Variants in IFFO2 observed in about 807,000 individuals in gnomAD.
The protein encoded by IFFO2 is intermediate filament family orphan 2.
IFFO2 carries 19 observed loss-of-function variants against 53.5 expected under a neutral mutation model. The ratio of observed to expected loss-of-function variants is 0.36; its 90% CI spans 0.25 to 0.52. The LOEUF is 0.52. Among genes scored for constraint, IFFO2 ranks in the 20% least tolerant of loss-of-function variants. The pLI, the probability that IFFO2 is intolerant of heterozygous loss-of-function variation, is 0.94. For missense variants in IFFO2, 570 were observed against 727.4 expected, an observed-to-expected ratio of 0.78 and a Z score of 2.49; for synonymous variants, 303 against 313.6, an observed-to-expected ratio of 0.97 and a Z score of 0.36.
At chr1:18,912,258 T>G (rs1936052778) in intron 5 of IFFO2, among the ~76,000 whole-genome samples, 175 bp from the exon 6 acceptor site, 1 of 152,218 alleles carries the variant, frequency 6.6e-6, no homozygotes, top group South Asian at 2.1e-4. Context: ...AGTTTAACTC[T>G]TTTAAAATGC....
intron 5 of IFFO2, among the ~76,000 whole-genome samples, chr1:18,913,992 C>A (rs1170026988): frequency 6.6e-6 from 1 of 152,092 alleles, no homozygotes; most frequent in South Asian, 2.1e-4. Flanking sequence ...CCACCACGCC[C>A]GGCTAATTTT....
At chr1:18,913,982 C>T (rs866498297) in intron 5 of IFFO2, among the ~76,000 whole-genome samples, 10 of 150,858 alleles carry the variant, frequency 6.6e-5, no homozygotes, top group Admixed American at 1.3e-4. Context: ...CAGGCGCCCG[C>T]CACCACGCCC....
chr1:18,921,146 G>A (rs1003234048), intron 1 of IFFO2, 25 bp from the exon 2 acceptor site: 4 of 1,549,790 alleles, frequency 2.6e-6, no homozygotes, highest in Non-Finnish European at 2.6e-6. Context: ...AGGAACAGGT[G>A]GTCAGAAGGT....
At position 18,917,489 on chromosome 1, in the gene IFFO2, C is replaced by T. The variant is rs1459264185; in HGVS notation, c.964-447G>A. Among the ~76,000 whole-genome samples, 2 of 152,098 alleles carry T rather than the reference C, an allele frequency of 1.3e-5. No homozygotes were observed. Among genetic ancestry groups the T allele is most frequent in the Non-Finnish European group, 2.9e-5 (2 of 68,010 alleles). ...AAAGGACAGACGGCCCAAGGTTCAC[C>T]GAAAGCTTCCACTCCAAGCAGACAA... On this transcript the variant is annotated intron_variant, in intron 4 of 8. Transcript: ENST00000455833. The surrounding 1 kb of genome is among the most constrained non-coding windows in gnomAD (Gnocchi z 5.9).
At chr1:18,935,392 G>C (rs1222310891) in intron 1 of IFFO2, among the ~76,000 whole-genome samples, 4 of 152,052 alleles carry the variant, frequency 2.6e-5, no homozygotes, top group African/African-American at 9.7e-5. Flanking sequence ...AGGCTGAATA[G>C]CATCCCCCCA....
intron 1 of IFFO2, among the ~76,000 whole-genome samples, chr1:18,922,039 C>T (rs926960227): frequency 5.9e-5 from 9 of 152,138 alleles, no homozygotes; most frequent in Non-Finnish European, 1.3e-4. Context: ...CAACCTATGA[C>T]GTAGGCACCG....
chr1:18,954,517 A>C (rs1380370437), intron 1 of IFFO2, among the ~76,000 whole-genome samples: 1 of 152,206 alleles, frequency 6.6e-6, no homozygotes, highest in Admixed American at 6.5e-5. Context: ...TTCTCAGTAC[A>C]TCCTCCAAGC....
intron 1 of IFFO2, among the ~76,000 whole-genome samples, chr1:18,938,853 C>T (rs1318181880): frequency 6.6e-6 from 1 of 152,360 alleles, no homozygotes; most frequent in East Asian, 1.9e-4. Flanking sequence ...GCAGTCTCCT[C>T]CTGGTGATTT....
intron 1 of IFFO2, among the ~76,000 whole-genome samples, chr1:18,927,805 G>A (rs1040632656): frequency 9.2e-5 from 14 of 152,232 alleles, no homozygotes; most frequent in African/African-American, 2.4e-4. Flanking sequence ...CAGGCTCCCC[G>A]GTGGGGTCAG....
intron 5 of IFFO2, among the ~76,000 whole-genome samples, chr1:18,913,981 G>A (rs187428739): frequency 0.018 from 2,796 of 152,200 alleles, 102 homozygotes; most frequent in Admixed American, 0.088. Context: ...ACAGGCGCCC[G>A]CCACCACGCC....
intron 1 of IFFO2, among the ~76,000 whole-genome samples, chr1:18,944,121 C>T (rs911695752): frequency 2.0e-5 from 3 of 152,172 alleles, no homozygotes; most frequent in Non-Finnish European, 4.4e-5. Context: ...CTTCGCTGGG[C>T]CTCAGTTTTC....
intron 8 of IFFO2, 147 bp from the exon 9 acceptor site, chr1:18,908,813 A>C: frequency 1.6e-6 from 1 of 638,208 alleles, no homozygotes; most frequent in Non-Finnish European, 2.8e-6. Context: ...AGCTATCCTT[A>C]AGATCCTTTA....
chr1:18,913,994 G>A (rs1014982414), intron 5 of IFFO2, among the ~76,000 whole-genome samples: 2 of 152,100 alleles, frequency 1.3e-5, no homozygotes, highest in African/African-American at 4.8e-5. Flanking sequence ...ACCACGCCCG[G>A]CTAATTTTTT....
At chr1:18,925,844 A>AT (rs1936278188) in intron 1 of IFFO2, among the ~76,000 whole-genome samples, 2 of 58,036 alleles carry the variant, frequency 3.4e-5, no homozygotes, top group Non-Finnish European at 7.1e-5. Context: ...GGATGGATGG[A>AT]TGGATGGATT....
In IFFO2 at chr1:18,919,726, G is replaced by A. The variant is rs942403754; in HGVS notation, c.774C>T (p.Ile258=). 9.0e-6 allele frequency: 14 copies of A among 1,551,536 alleles called. No homozygotes were observed. The East Asian group carries it at 9.8e-5, about 11-fold the overall frequency. The stretch of plus-strand genomic sequence containing the variant: ...CCACCAGCTCGGCCTTGAGCCGCTC[G>A]ATCTTCTCATTCATCTCCTCCTGGA... ...DAIQEEMNEK[I]ERLKAELVVF... is the part of the protein sequence containing the mutation. Residue 258 remains isoleucine (I), a synonymous_variant, in exon 3 of 9, where the codon ATC becomes ATT. Coordinates refer to ENST00000455833, the MANE Select transcript of IFFO2 (RefSeq NM_001136265.2). This position sits in a 1 kb window ranked among gnomAD's most constrained non-coding sequence, Gnocchi z 4.9.
intron 1 of IFFO2, among the ~76,000 whole-genome samples, chr1:18,949,638 G>A (rs971465623): frequency 1.3e-3 from 202 of 152,376 alleles, no homozygotes; most frequent in African/African-American, 4.7e-3. Context: ...TCTCCTGGAA[G>A]GCAACGCATC....
intron 5 of IFFO2, among the ~76,000 whole-genome samples, chr1:18,912,713 C>G (rs551197026): frequency 6.6e-6 from 1 of 152,194 alleles, no homozygotes; most frequent in Non-Finnish European, 1.5e-5. Context: ...TCAAAACAAT[C>G]CTATGAGGTA....
intron 2 of IFFO2, among the ~76,000 whole-genome samples, chr1:18,920,089 C>G (rs925002355): frequency 1.3e-5 from 2 of 152,208 alleles, no homozygotes; most frequent in African/African-American, 4.8e-5. Flanking sequence ...CAGTATTGGG[C>G]CATCTCTGCT....
intron 1 of IFFO2, among the ~76,000 whole-genome samples, chr1:18,922,386 G>A (rs1477830068): frequency 6.6e-6 from 1 of 152,144 alleles, no homozygotes; most frequent in African/African-American, 2.4e-5. Flanking sequence ...GGGCAGTCTG[G>A]AACCCTTTTA....
Sources: gnomAD v4.1 joint callset for allele counts (sites outside exome capture counted in the v4.1 genomes callset) on GRCh38, gnomAD v4.1.1 for gene constraint, Gnocchi (gnomAD v3.1) non-coding constraint, MANE v1.5 for transcripts, NCBI Gene and HGNC (gene_info 2026-07-23, HGNC 2026-07-21) for gene names.